CTNNA3: variants seen among roughly 807,000 people sequenced by gnomAD.
CTNNA3 encodes catenin alpha-3.
Under a neutral mutation model 95.7 loss-of-function variants are expected in CTNNA3, and 76 were observed. The observed-to-expected ratio is 0.79, with a 90% confidence interval of 0.66 to 0.96. The LOEUF (loss-of-function observed/expected upper bound fraction) is 0.96. Among genes scored for constraint, CTNNA3 ranks in the 40% least tolerant of loss-of-function variants. The pLI is 0.00. For synonymous variants in CTNNA3, 431 were observed against 374.4 expected (o/e 1.15, Z -1.74); for missense variants, 1,191 against 1,089.8 (o/e 1.09, Z -1.31).
At chr10:66,672,289 G>A (rs1365979871) in intron 9 of CTNNA3, among the ~76,000 whole-genome samples, 1 of 152,088 alleles carries the variant, frequency 6.6e-6, no homozygotes, top group East Asian at 1.9e-4. Context: ...TAGGCTCTGT[G>A]TGAAGAAGAT....
intron 7 of CTNNA3, chr10:67,097,805 A>G: frequency 6.2e-7 from 1 of 1,610,716 alleles, no homozygotes; most frequent in South Asian, 1.1e-5. Flanking sequence ...AACTGAGATC[A>G]TTGGTAGCCA....
chr10:65,945,347 A>T (rs2133190957), intron 17 of CTNNA3, among the ~76,000 whole-genome samples: 1 of 152,304 alleles, frequency 6.6e-6, no homozygotes, highest in Admixed American at 6.5e-5. Flanking sequence ...TTTTACGTTA[A>T]TGACTGCCTA....
intron 12 of CTNNA3, among the ~76,000 whole-genome samples, chr10:66,354,121 A>G (rs546568605): frequency 1.3e-5 from 2 of 152,090 alleles, no homozygotes; most frequent in Admixed American, 1.3e-4. Context: ...CGTCTCTACT[A>G]AAGACACAAA....
In CTNNA3 at chr10:66,520,781, G is replaced by C; in HGVS notation, c.1375-8C>G. The C allele has an allele frequency of 6.2e-7, 1 of 1,609,338 alleles. No homozygotes were observed. On this transcript the variant is annotated splice_polypyrimidine_tract_variant and splice_region_variant and intron_variant, in intron 10 of 17. Transcript: ENST00000433211. ...AAGTGCAGCATTAATAATCTATAAAGATAAGGATTGAAAAAATTACCTATT... is the reference window on the plus strand; with the variant it reads ...AAGTGCAGCATTAATAATCTATAAACATAAGGATTGAAAAAATTACCTATT...
intron 9 of CTNNA3, among the ~76,000 whole-genome samples, chr10:66,672,472 A>G (rs1207577325): frequency 6.6e-6 from 1 of 152,112 alleles, no homozygotes; most frequent in Non-Finnish European, 1.5e-5. Context: ...AAAGATGAAA[A>G]TGGTATCATG....
intron 4 of CTNNA3, among the ~76,000 whole-genome samples, chr10:67,538,289 G>A (rs1840551831): frequency 6.6e-6 from 1 of 151,310 alleles, no homozygotes; most frequent in African/African-American, 2.4e-5. Flanking sequence ...ATACAAGAAA[G>A]ATGTGGCTGG....
chr10:67,137,515 T>C (rs879321026), intron 7 of CTNNA3, among the ~76,000 whole-genome samples: 13 of 152,116 alleles, frequency 8.5e-5, no homozygotes, highest in Non-Finnish European at 1.3e-4. Context: ...ATTCTGCTCC[T>C]ATATATGCAA....
intron 7 of CTNNA3, among the ~76,000 whole-genome samples, chr10:67,135,744 C>T (rs1229109517): frequency 1.3e-5 from 2 of 152,034 alleles, no homozygotes; most frequent in Non-Finnish European, 2.9e-5. Flanking sequence ...TATATGCCCT[C>T]CACATACCAA....
chr10:66,793,493 A>G (rs1342359703), intron 7 of CTNNA3, among the ~76,000 whole-genome samples: 1 of 151,948 alleles, frequency 6.6e-6, no homozygotes, highest in East Asian at 1.9e-4. Context: ...TTTTTTGCTT[A>G]AAGTAAACTT....
intron 7 of CTNNA3, among the ~76,000 whole-genome samples, chr10:67,057,452 C>G (rs1052581987): frequency 1.3e-5 from 2 of 152,164 alleles, no homozygotes; most frequent in Non-Finnish European, 2.9e-5. Context: ...GCTACCTACC[C>G]TTCTACTCTC....
chr10:66,154,393 G>C (rs956197793), intron 13 of CTNNA3, among the ~76,000 whole-genome samples: 3 of 151,462 alleles, frequency 2.0e-5, no homozygotes, highest in Admixed American at 6.6e-5. Context: ...TACTACGACA[G>C]GTCTTTTGGA....
Position 66,990,270 on chromosome 10 carries a change from A to G in CTNNA3, c.1047+190047T>C, listed in dbSNP as rs188888181. Among the ~76,000 whole-genome samples, 186 of 152,194 alleles carry G rather than the reference A, an allele frequency of 1.2e-3. 2 individuals carry two copies. The highest frequency in any genetic ancestry group is 4.3e-3 in the African/African-American group (180 of 41,540). On this transcript the variant is annotated intron_variant, in intron 7 of 17. Coordinates refer to ENST00000433211, the MANE Select transcript of CTNNA3 (RefSeq NM_013266.4). ...CTCCCAATATCCACAGCAGCCACTC[A>G]ACACTGTAGTGCTGTGGCCAGGTGA...
intron 5 of CTNNA3, among the ~76,000 whole-genome samples, chr10:67,484,117 G>C (rs1456963849): frequency 6.6e-6 from 1 of 152,162 alleles, no homozygotes; most frequent in Non-Finnish European, 1.5e-5. Flanking sequence ...CATGGTATTT[G>C]TACAAAAACA....
intron 9 of CTNNA3, among the ~76,000 whole-genome samples, chr10:66,666,912 G>C (rs1846472145): frequency 6.6e-6 from 1 of 151,950 alleles, no homozygotes; most frequent in Non-Finnish European, 1.5e-5. Context: ...CATTGGGGAA[G>C]TGATCAGAAA....
At chr10:66,804,913 T>A (rs901062512) in intron 7 of CTNNA3, among the ~76,000 whole-genome samples, 2 of 152,038 alleles carry the variant, frequency 1.3e-5, no homozygotes, top group African/African-American at 4.8e-5. Context: ...TGATACAAAA[T>A]TTTCCCCAAT....
chr10:67,600,364 T>A (rs1462516011), intron 3 of CTNNA3, among the ~76,000 whole-genome samples: 1 of 152,004 alleles, frequency 6.6e-6, no homozygotes, highest in Admixed American at 6.6e-5. Context: ...AGGAACAAAA[T>A]AATAATTTGG....
At chr10:66,760,608 C>T (rs1457617661) in intron 9 of CTNNA3, among the ~76,000 whole-genome samples, 1 of 152,116 alleles carries the variant, frequency 6.6e-6, no homozygotes, top group Non-Finnish European at 1.5e-5. Context: ...TTGAAAATAT[C>T]TATACTTGAT....
At chr10:67,534,622 T>C (rs1589398788) in intron 4 of CTNNA3, among the ~76,000 whole-genome samples, 1 of 152,206 alleles carries the variant, frequency 6.6e-6, no homozygotes, top group African/African-American at 2.4e-5. Context: ...CTGTAAGGTT[T>C]ACTACATTCA....
intron 15 of CTNNA3, among the ~76,000 whole-genome samples, chr10:66,056,795 C>A (rs1490625334): frequency 1.3e-5 from 2 of 152,136 alleles, no homozygotes; most frequent in South Asian, 4.1e-4. Flanking sequence ...TCTAGGTTTT[C>A]CACTTTGTTG....
Sources: allele counts gnomAD v4.1 joint callset (sites outside exome capture counted in the v4.1 genomes callset), GRCh38; gene constraint gnomAD v4.1.1; transcripts MANE v1.5; gene names NCBI Gene and HGNC (gene_info 2026-07-23, HGNC 2026-07-21).